The following UBE2L3 variants were observed in gnomAD, a reference collection of about 807,000 sequenced individuals.
UBE2L3 encodes the protein ubiquitin-conjugating enzyme E2 L3.
A neutral mutation model predicts 17.8 loss-of-function variants in UBE2L3; 1 was observed. The observed-to-expected ratio is 0.06, with a 90% confidence interval of 0.02 to 0.27. The LOEUF (loss-of-function observed/expected upper bound fraction) is 0.27, where lower values mean the gene tolerates loss of function less well. UBE2L3 is among the 10% of genes least tolerant of loss of function. UBE2L3 has a pLI of 1.00. For synonymous variants in UBE2L3, 44 were observed against 68.5 expected (o/e 0.64, Z 1.76); for missense variants, 40 against 192.6 (o/e 0.21, Z 4.69).
chr22:21,597,009 C>T (rs1368822700), intron 2 of UBE2L3, among the ~76,000 whole-genome samples: 2 of 151,848 alleles, frequency 1.3e-5, no homozygotes, highest in African/African-American at 2.4e-5. Flanking sequence ...GACAGGGTCT[C>T]ACTCTGTTGC....
At chr22:21,565,731 G>A (rs931414764), upstream of UBE2L3, among the ~76,000 whole-genome samples, 1 of 121,718 alleles carries the variant, frequency 8.2e-6, no homozygotes. Context: ...CTCCACCCTG[G>A]GTGACAGAGT....
At chr22:21,612,638 CTTTTCTTTTTTTTT>C (rs1929550250) in intron 3 of UBE2L3, among the ~76,000 whole-genome samples, 3 of 60,498 alleles carry the variant, frequency 5.0e-5, no homozygotes, top group Non-Finnish European at 6.7e-5. Flanking sequence ...TTTTTCTTTT[CTTTTCTTTTTTTTT>C]TTTTTTTTTT....
At chr22:21,590,920 C>T (rs756866187) in intron 1 of UBE2L3, among the ~76,000 whole-genome samples, 6 of 152,300 alleles carry the variant, frequency 3.9e-5, no homozygotes, top group Admixed American at 6.5e-5. Context: ...GTGAGCCAGG[C>T]GCTGGCAGGA....
At chr22:21,612,643 C>CTTTTTTTTTTTTTTTTTTTTTTTTTTT (rs57678378) in intron 3 of UBE2L3, among the ~76,000 whole-genome samples, 4 of 52,492 alleles carry the variant, frequency 7.6e-5, no homozygotes, top group Admixed American at 3.0e-4. Flanking sequence ...CTTTTCTTTT[C>CTTTTTTTTTTTTTTTTTTTTTTTTTTT]TTTTTTTTTT....
intron 3 of UBE2L3, 57 bp downstream of exon 3, chr22:21,611,100 G>T (rs1186908418): frequency 9.4e-6 from 14 of 1,497,168 alleles, no homozygotes; most frequent in African/African-American, 1.4e-5. Flanking sequence ...CTGCTCTGGG[G>T]TGGGGGCTTC....
chr22:21,597,774 G>GTTTTTTTTTTTT lies in UBE2L3; in HGVS notation c.123+4818_123+4819insTTTTTTTTTTTT, dbSNP rs1568981113. Among the ~76,000 whole-genome samples, 4 of 73,534 alleles carry GTTTTTTTTTTTT rather than the reference G, an allele frequency of 5.4e-5. No homozygotes were observed. In the East Asian group the frequency reaches 2.0e-3, roughly 37 times the overall value. 48.2% of individuals were successfully genotyped at this position (73,534 alleles called of 152,430 possible). On this transcript the variant is annotated intron_variant, in intron 2 of 3. Transcript: ENST00000342192. ...TGGATCTTTGATCCATTTATATGTA[G>GTTTTTTTTTTTT]ATTTTTTTTTTTTTTTTTTTTTTTT...
chr22:21,568,519 C>A, intron 1 of UBE2L3: 1 of 786,306 alleles, frequency 1.3e-6, no homozygotes, highest in Non-Finnish European at 1.5e-6. Flanking sequence ...TTCAGTCGTT[C>A]GAATCAAAAC....
upstream of UBE2L3, among the ~76,000 whole-genome samples, chr22:21,566,925 G>T (rs1167660434): frequency 6.6e-6 from 1 of 152,196 alleles, no homozygotes; most frequent in South Asian, 2.1e-4. Flanking sequence ...CCTTGGGCAA[G>T]TCACTGGCTT....
chr22:21,621,492 A>G, intron 3 of UBE2L3, 23 bp from the exon 4 acceptor site: 1 of 1,592,620 alleles, frequency 6.3e-7, no homozygotes, highest in African/African-American at 1.4e-5. Context: ...TTAACCCCCC[A>G]TGCCTTGTCC....
At chr22:21,558,198 C>CT (rs1362931500) in intron 1 of UBE2L3, among the ~76,000 whole-genome samples, 1 of 151,504 alleles carries the variant, frequency 6.6e-6, no homozygotes, top group Non-Finnish European at 1.5e-5. Context: ...AAGCCCCAAG[C>CT]TTTGTGGAGC....
intron 1 of UBE2L3, among the ~76,000 whole-genome samples, chr22:21,580,821 A>G (rs1568974505): frequency 6.6e-6 from 1 of 150,648 alleles, no homozygotes; most frequent in African/African-American, 2.4e-5. Flanking sequence ...CTGACCTCAT[A>G]TGATCTGCCG....
chr22:21,616,055 TTAAA>T (rs1929754903), intron 3 of UBE2L3, among the ~76,000 whole-genome samples: 1 of 152,190 alleles, frequency 6.6e-6, no homozygotes, highest in South Asian at 2.1e-4. Flanking sequence ...ATATTACCTA[TTAAA>T]TAAGGTGTCT....
At chr22:21,582,101 CAG>C (rs1927672339) in intron 1 of UBE2L3, among the ~76,000 whole-genome samples, 3 of 142,540 alleles carry the variant, frequency 2.1e-5, no homozygotes, top group Non-Finnish European at 3.0e-5. Flanking sequence ...GTCTGGGTGA[CAG>C]AGTGAGACTT....
At chr22:21,589,341 G>A (rs549439059) in intron 1 of UBE2L3, among the ~76,000 whole-genome samples, 7 of 150,980 alleles carry the variant, frequency 4.6e-5, no homozygotes, top group Non-Finnish European at 1.0e-4. Context: ...TAGAGACGGG[G>A]TTTCACCATG....
At position 21,623,313 on chromosome 22, in the gene UBE2L3, T is replaced by G. The variant is rs1231706833; in HGVS notation, c.*1644T>G. 6.5e-6 allele frequency: 1 copy of G among 152,716 alleles called. No individual in the cohort carries two copies. The highest frequency in any genetic ancestry group is 1.9e-4 in the East Asian group (1 of 5,336). 9.5% of individuals were successfully genotyped at this position (152,716 alleles called of 1,614,324 possible). On this transcript the variant is annotated 3_prime_UTR_variant, in exon 4 of 4. Coordinates refer to ENST00000342192, the MANE Select transcript of UBE2L3 (RefSeq NM_003347.4). ...CTGCGGTGTGTACACGAACTCGGCTTCTTTTGTCCTAGGTACGCCAAGGGC... is the reference window on the plus strand; with the variant it reads ...CTGCGGTGTGTACACGAACTCGGCTGCTTTTGTCCTAGGTACGCCAAGGGC...
At chr22:21,603,885 T>C (rs955378931) in intron 2 of UBE2L3, among the ~76,000 whole-genome samples, 3 of 147,864 alleles carry the variant, frequency 2.0e-5, no homozygotes, top group African/African-American at 7.4e-5. Context: ...AATTTAGACA[T>C]GGATTGAAAA....
At chr22:21,561,366 A>G (rs576391006) in intron 1 of UBE2L3, among the ~76,000 whole-genome samples, 1,657 of 151,768 alleles carry the variant, frequency 0.011, no homozygotes, top group African/African-American at 0.037. Context: ...TCTTGAGTCC[A>G]TGAGTTACAG....
chr22:21,595,128 G>A (rs1365591994), intron 2 of UBE2L3, among the ~76,000 whole-genome samples: 1 of 152,236 alleles, frequency 6.6e-6, no homozygotes, highest in African/African-American at 2.4e-5. Flanking sequence ...ATCCAAGTGT[G>A]CTTGGGCTGA....
At chr22:21,597,993 G>GT (rs1274274383) in intron 2 of UBE2L3, among the ~76,000 whole-genome samples, 3 of 146,764 alleles carry the variant, frequency 2.0e-5, no homozygotes, top group African/African-American at 7.5e-5. Context: ...TAGAGATGGG[G>GT]TTTTGCCATA....
Sources: allele counts gnomAD v4.1 joint callset (sites outside exome capture counted in the v4.1 genomes callset), GRCh38; gene constraint gnomAD v4.1.1; transcripts MANE v1.5; gene names NCBI Gene and HGNC (gene_info 2026-07-23, HGNC 2026-07-21).